Variants in NXPH2 observed in about 807,000 individuals in gnomAD.
NXPH2 encodes neurexophilin-2.
Under a neutral mutation model 19.8 loss-of-function variants are expected in NXPH2, and 5 were observed. The observed-to-expected ratio is 0.25, with a 90% confidence interval of 0.13 to 0.53. NXPH2 has a LOEUF of 0.53. NXPH2 is among the 20% of genes least tolerant of loss of function. NXPH2 has a pLI of 0.96. For missense variants in NXPH2, 289 were observed against 322.8 expected (o/e 0.90, Z 0.80); for synonymous variants, 154 against 127.4 (o/e 1.21, Z -1.41).
chr2:138,713,729 C>T (rs112368134), intron 1 of NXPH2, among the ~76,000 whole-genome samples: 4 of 151,868 alleles, frequency 2.6e-5, no homozygotes, highest in Non-Finnish European at 5.9e-5. Flanking sequence ...AGTAGAACTG[C>T]GACAGGACAG....
At chr2:138,762,107 C>T (rs986822974) in intron 1 of NXPH2, among the ~76,000 whole-genome samples, 1 of 152,136 alleles carries the variant, frequency 6.6e-6, no homozygotes, top group East Asian at 1.9e-4. Flanking sequence ...GGTGTGAGGA[C>T]AAAAATCACA....
At chr2:138,763,455 A>G (rs932326225) in intron 1 of NXPH2, among the ~76,000 whole-genome samples, 10 of 152,324 alleles carry the variant, frequency 6.6e-5, no homozygotes, top group Admixed American at 2.6e-4. Flanking sequence ...GTGAGTCTGT[A>G]ATAAATATTA....
At chr2:138,721,005 G>T (rs1260160616) in intron 1 of NXPH2, among the ~76,000 whole-genome samples, 1 of 152,158 alleles carries the variant, frequency 6.6e-6, no homozygotes, top group African/African-American at 2.4e-5. Context: ...ACTGAAGGAC[G>T]CATGCAGGGC....
chr2:138,671,742 A>C (rs1458534089), intron 1 of NXPH2, 77 bp from the exon 2 acceptor site: 1 of 1,402,898 alleles, frequency 7.1e-7, no homozygotes, highest in Non-Finnish European at 9.6e-7. Flanking sequence ...TCAAAGCGCA[A>C]GGGAAATTAT....
chr2:138,732,666 T>C (rs554960662), intron 1 of NXPH2, among the ~76,000 whole-genome samples: 37 of 152,278 alleles, frequency 2.4e-4, no homozygotes, highest in South Asian at 2.3e-3. Flanking sequence ...CTTCTTCTCC[T>C]TCTTTGTCTA....
intron 1 of NXPH2, among the ~76,000 whole-genome samples, chr2:138,707,210 C>T (rs987610256): frequency 2.0e-5 from 3 of 149,898 alleles, no homozygotes; most frequent in African/African-American, 7.4e-5. Flanking sequence ...GATTCATATT[C>T]TGAAGGATGA....
At chr2:138,777,022 A>G (rs1682273856) in intron 1 of NXPH2, among the ~76,000 whole-genome samples, 1 of 151,604 alleles carries the variant, frequency 6.6e-6, no homozygotes, top group Non-Finnish European at 1.5e-5. Flanking sequence ...TAAGAAACTG[A>G]TTTTTTAAAT....
At chr2:138,759,060 A>G (rs1360261663) in intron 1 of NXPH2, among the ~76,000 whole-genome samples, 1 of 152,132 alleles carries the variant, frequency 6.6e-6, no homozygotes, top group African/African-American at 2.4e-5. Context: ...ACTTCTTTTG[A>G]ACTTCAAAAG....
chr2:138,726,669 T>C (rs1681365765), intron 1 of NXPH2, among the ~76,000 whole-genome samples: 1 of 152,008 alleles, frequency 6.6e-6, no homozygotes. Context: ...TACAGCAAAA[T>C]TGAGCAGCAA....
intron 1 of NXPH2, among the ~76,000 whole-genome samples, chr2:138,772,832 G>C (rs896086980): frequency 6.6e-6 from 1 of 152,162 alleles, no homozygotes; most frequent in Non-Finnish European, 1.5e-5. Flanking sequence ...TGGATGATTC[G>C]AATTTACAAT....
intron 1 of NXPH2, among the ~76,000 whole-genome samples, chr2:138,694,991 G>A (rs1445746766): frequency 6.6e-6 from 1 of 152,092 alleles, no homozygotes; most frequent in Non-Finnish European, 1.5e-5. Flanking sequence ...GAATACGGTA[G>A]GCAATTGTAA....
At chr2:138,704,008 A>G (rs149841662) in intron 1 of NXPH2, among the ~76,000 whole-genome samples, 1 of 152,308 alleles carries the variant, frequency 6.6e-6, no homozygotes, top group Non-Finnish European at 1.5e-5. Context: ...TTACATTGTA[A>G]TGATTTGAAC....
At chr2:138,748,903 G>T (rs972916010) in intron 1 of NXPH2, among the ~76,000 whole-genome samples, 2 of 152,086 alleles carry the variant, frequency 1.3e-5, no homozygotes, top group Admixed American at 6.6e-5. Flanking sequence ...ATAATAAAAA[G>T]AATCAAAGAA....
At chr2:138,757,263 C>G (rs2104836807) in intron 1 of NXPH2, among the ~76,000 whole-genome samples, 1 of 152,232 alleles carries the variant, frequency 6.6e-6, no homozygotes, top group East Asian at 1.9e-4. Flanking sequence ...GAATTTCCTT[C>G]TATGCTGGGT....
chr2:138,669,500 G>C lies in NXPH2; in HGVS notation c.*1422C>G, dbSNP rs1196026642. Reference sequence around the variant, plus strand: ...AATGAAGATAGAGAACAGAGCTCTTGGTTTTTTGAACAGTGTGGTAAGAGT... The same window carrying C: ...AATGAAGATAGAGAACAGAGCTCTTCGTTTTTTGAACAGTGTGGTAAGAGT... On this transcript the variant is annotated 3_prime_UTR_variant, in exon 2 of 2. Coordinates refer to ENST00000272641, the MANE Select transcript of NXPH2 (RefSeq NM_007226.3). 2.6e-5 allele frequency among the ~76,000 whole-genome samples: 4 copies of C among 152,094 alleles called. No individual in the cohort carries two copies. The highest frequency in any genetic ancestry group is 1.3e-4 in the Admixed American group (2 of 15,260).
At chr2:138,713,973 C>CAAAA (rs202017615) in intron 1 of NXPH2, among the ~76,000 whole-genome samples, 23 of 142,474 alleles carry the variant, frequency 1.6e-4, no homozygotes, top group African/African-American at 5.7e-4. Context: ...AACAAAAAAG[C>CAAAA]AAAAAAAAAA....
chr2:138,720,142 A>T (rs1681254411), intron 1 of NXPH2, among the ~76,000 whole-genome samples: 1 of 152,134 alleles, frequency 6.6e-6, no homozygotes, highest in Non-Finnish European at 1.5e-5. Context: ...AAAAAAAAAA[A>T]ACTTGAAAAA....
At chr2:138,732,137 G>C (rs1681462356) in intron 1 of NXPH2, among the ~76,000 whole-genome samples, 1 of 152,340 alleles carries the variant, frequency 6.6e-6, no homozygotes, top group Non-Finnish European at 1.5e-5. Context: ...AGTATGTCAA[G>C]TTGAAAATGG....
chr2:138,733,327 G>A (rs1044526965), intron 1 of NXPH2, among the ~76,000 whole-genome samples: 5 of 152,184 alleles, frequency 3.3e-5, no homozygotes, highest in East Asian at 1.9e-4. Context: ...GAACGGATGC[G>A]AAGTTACACA....
Sources: allele counts gnomAD v4.1 joint callset (sites outside exome capture counted in the v4.1 genomes callset), GRCh38; gene constraint gnomAD v4.1.1; transcripts MANE v1.5; gene names NCBI Gene and HGNC (gene_info 2026-07-23, HGNC 2026-07-21).